The following GABRB1 variants were observed in gnomAD, a reference collection of about 807,000 sequenced individuals.
GABRB1 encodes the protein gamma-aminobutyric acid type A receptor subunit beta1.
A neutral mutation model predicts 51.6 loss-of-function variants in GABRB1; 17 were observed. The ratio of observed to expected loss-of-function variants is 0.33; its 90% CI spans 0.23 to 0.49. The LOEUF (loss-of-function observed/expected upper bound fraction) is 0.49, where lower values mean the gene tolerates loss of function less well. GABRB1 is among the 20% of genes least tolerant of loss of function. The pLI, the probability that GABRB1 is intolerant of heterozygous loss-of-function variation, is 0.99. For missense variants in GABRB1, 410 were observed against 600.6 expected, an observed-to-expected ratio of 0.68 and a Z score of 3.32; for synonymous variants, 247 against 218.9, an observed-to-expected ratio of 1.13 and a Z score of -1.14.
At chr4:47,126,308 T>A (rs949064440) in intron 3 of GABRB1, among the ~76,000 whole-genome samples, 1 of 152,120 alleles carries the variant, frequency 6.6e-6, no homozygotes, top group Non-Finnish European at 1.5e-5. Context: ...AAAGGCTCAG[T>A]TATGAAAGAT....
chr4:47,382,138 C>T lies in GABRB1; in HGVS notation c.545-21180C>T, dbSNP rs552141370. 2.0e-5 allele frequency among the ~76,000 whole-genome samples: 3 copies of T among 152,184 alleles called. No individual in the cohort carries two copies. In the South Asian group the frequency reaches 6.2e-4, roughly 32 times the overall value. On this transcript the variant is annotated intron_variant, in intron 5 of 8. Transcript: ENST00000295454. ...TAATTATGCACCACATGTTACATCA[C>T]CAAAACAAATGGTTTTAACATGAGC...
chr4:47,314,705 T>C (rs1724824326), intron 4 of GABRB1, among the ~76,000 whole-genome samples: 1 of 151,996 alleles, frequency 6.6e-6, no homozygotes, highest in Non-Finnish European at 1.5e-5. Context: ...AAGGACTCTC[T>C]ATACAATAAA....
At chr4:47,367,897 T>C (rs970072039) in intron 5 of GABRB1, among the ~76,000 whole-genome samples, 1 of 152,190 alleles carries the variant, frequency 6.6e-6, no homozygotes, top group Non-Finnish European at 1.5e-5. Context: ...GTCCTTGCAG[T>C]AAAGGCTGAC....
At chr4:47,076,122 T>C (rs1318382923) in intron 3 of GABRB1, among the ~76,000 whole-genome samples, 1 of 152,216 alleles carries the variant, frequency 6.6e-6, no homozygotes, top group African/African-American at 2.4e-5. Context: ...ACATTCCAGT[T>C]TCCCAGGTGA....
rs187013486 is a variant in GABRB1, at chr4:47,269,976, A to G, written c.462-50151A>G. 2.2e-3 allele frequency among the ~76,000 whole-genome samples: 329 copies of G among 151,372 alleles called. 1 individual carries two copies. Among genetic ancestry groups the G allele is most frequent in the African/African-American group, 7.6e-3 (313 of 41,130 alleles). On this transcript the variant is annotated intron_variant, in intron 4 of 8. Transcript: ENST00000295454. ...CACACACACACACACACACACACAC[A>G]GGCTGAGTCTGATGACTCTTAAAGA... is the stretch of plus-strand genomic sequence containing the variant.
At chr4:47,280,390 G>A (rs1234130167) in intron 4 of GABRB1, among the ~76,000 whole-genome samples, 1 of 150,920 alleles carries the variant, frequency 6.6e-6, no homozygotes, top group African/African-American at 2.4e-5. Context: ...TTTGTCTTTT[G>A]CCCTTTATAC....
intron 4 of GABRB1, among the ~76,000 whole-genome samples, chr4:47,198,487 G>T (rs1719777798): frequency 6.6e-6 from 1 of 152,154 alleles, no homozygotes; most frequent in Non-Finnish European, 1.5e-5. Flanking sequence ...GATGCTAGGG[G>T]CATGGTAGTG....
chr4:47,239,522 C>A (rs759867955), intron 4 of GABRB1, among the ~76,000 whole-genome samples: 8 of 152,066 alleles, frequency 5.3e-5, no homozygotes, highest in Non-Finnish European at 1.0e-4. Context: ...CAGTTGGCAA[C>A]GGGCCCCATC....
At chr4:47,140,374 G>C (rs567913919) in intron 3 of GABRB1, among the ~76,000 whole-genome samples, 2 of 151,892 alleles carry the variant, frequency 1.3e-5, no homozygotes, top group Non-Finnish European at 2.9e-5. Context: ...TGATGACTTT[G>C]CATGGTACAG....
chr4:47,027,101 T>C (rs1268249964), upstream of GABRB1, among the ~76,000 whole-genome samples: 2 of 151,640 alleles, frequency 1.3e-5, no homozygotes, highest in Non-Finnish European at 3.0e-5. Context: ...TACTTATTAA[T>C]GCAATGGTAA....
intron 3 of GABRB1, among the ~76,000 whole-genome samples, chr4:47,126,358 T>C (rs1276131993): frequency 1.3e-5 from 2 of 152,172 alleles, no homozygotes; most frequent in Non-Finnish European, 2.9e-5. Context: ...ATGGTGACTA[T>C]AGTTAATAAT....
At chr4:47,028,165 T>A (rs969100685), upstream of GABRB1, among the ~76,000 whole-genome samples, 5 of 151,786 alleles carry the variant, frequency 3.3e-5, no homozygotes, top group Admixed American at 6.6e-5. Flanking sequence ...ATTATTTTTT[T>A]AAATATTTTC....
intron 3 of GABRB1, among the ~76,000 whole-genome samples, chr4:47,127,390 G>A (rs1462705182): frequency 2.0e-5 from 3 of 151,580 alleles, no homozygotes; most frequent in Non-Finnish European, 4.4e-5. Context: ...GGAATATTTG[G>A]ATATAAAAAT....
intron 4 of GABRB1, among the ~76,000 whole-genome samples, chr4:47,312,055 G>A (rs1724707518): frequency 7.0e-6 from 1 of 143,042 alleles, no homozygotes; most frequent in Non-Finnish European, 1.6e-5. Context: ...GTGTGTGTGT[G>A]TGTGTGTGTG....
At chr4:47,334,943 T>C (rs1365917869) in intron 5 of GABRB1, among the ~76,000 whole-genome samples, 2 of 152,212 alleles carry the variant, frequency 1.3e-5, no homozygotes, top group Non-Finnish European at 2.9e-5. Context: ...CCTGAAAACC[T>C]ATCTTTTTGT....
At chr4:47,396,887 C>G (rs1442970639) in intron 5 of GABRB1, among the ~76,000 whole-genome samples, 1 of 152,060 alleles carries the variant, frequency 6.6e-6, no homozygotes, top group Non-Finnish European at 1.5e-5. Context: ...TATCTTGATA[C>G]AGTTTTAATT....
intron 1 of GABRB1, among the ~76,000 whole-genome samples, chr4:47,025,520 G>A (rs766204521): frequency 2.8e-4 from 43 of 151,854 alleles, no homozygotes; most frequent in Non-Finnish European, 5.3e-4. Context: ...TCCACAGAAA[G>A]TAATTAGATT....
chr4:47,227,466 A>C (rs1720983865), intron 4 of GABRB1, among the ~76,000 whole-genome samples: 1 of 152,172 alleles, frequency 6.6e-6, no homozygotes, highest in Non-Finnish European at 1.5e-5. Flanking sequence ...TTGAGGTGCT[A>C]TCAGAAACAC....
chr4:47,408,081 G>GA (rs1418165284), intron 8 of GABRB1, among the ~76,000 whole-genome samples: 1 of 152,208 alleles, frequency 6.6e-6, no homozygotes, highest in African/African-American at 2.4e-5. Context: ...GACAGAGTGA[G>GA]ACCCTGTCTT....
Sources: allele counts gnomAD v4.1 joint callset (sites outside exome capture counted in the v4.1 genomes callset), GRCh38; gene constraint gnomAD v4.1.1; transcripts MANE v1.5; gene names NCBI Gene and HGNC (gene_info 2026-07-23, HGNC 2026-07-21).